The following WARS2 variants were observed in gnomAD, a reference collection of about 807,000 sequenced individuals.
The protein encoded by WARS2 is tryptophanyl tRNA synthetase 2, mitochondrial.
Under a neutral mutation model 36.5 loss-of-function variants are expected in WARS2, and 28 were observed. That is an observed-to-expected ratio of 0.77 (90% CI 0.57 to 1.05). The LOEUF is 1.05. Among genes scored for constraint, WARS2 ranks in the 50% least tolerant of loss-of-function variants. WARS2 has a pLI of 0.00. For synonymous variants in WARS2, 174 were observed against 178.4 expected (o/e 0.98, Z 0.20); for missense variants, 435 against 456.8 (o/e 0.95, Z 0.44).
At chr1:119,034,275 T>C (rs371889489) in intron 4 of WARS2, 62 bp from the exon 5 acceptor site, 3 of 1,327,960 alleles carry the variant, frequency 2.3e-6, no homozygotes, top group African/African-American at 1.5e-5. Context: ...AGAAATGATA[T>C]TGCAAGCAGC....
intron 2 of WARS2, among the ~76,000 whole-genome samples, chr1:119,059,323 G>C (rs1650167662): frequency 6.6e-6 from 1 of 151,834 alleles, no homozygotes; most frequent in South Asian, 2.1e-4. Context: ...GATCCCATTT[G>C]TCAATTTTGG....
At chr1:119,101,925 C>G (rs1051000279) in intron 1 of WARS2, among the ~76,000 whole-genome samples, 1 of 152,116 alleles carries the variant, frequency 6.6e-6, no homozygotes, top group African/African-American at 2.4e-5. Context: ...AGAAAGCCAA[C>G]ACACACAATT....
At chr1:119,039,468 G>C (rs1162997633) in intron 4 of WARS2, among the ~76,000 whole-genome samples, 1 of 152,082 alleles carries the variant, frequency 6.6e-6, no homozygotes, top group Non-Finnish European at 1.5e-5. Flanking sequence ...TACACAGAGA[G>C]AGAAAGGGGA....
chr1:119,036,090 G>C (rs1419045739), intron 4 of WARS2, among the ~76,000 whole-genome samples: 1 of 152,164 alleles, frequency 6.6e-6, no homozygotes, highest in African/African-American at 2.4e-5. Context: ...TGTAATCCCA[G>C]GTACTCCGGA....
At chr1:119,133,042 A>G (rs1557761930) in intron 1 of WARS2, among the ~76,000 whole-genome samples, 1 of 152,210 alleles carries the variant, frequency 6.6e-6, no homozygotes, top group Non-Finnish European at 1.5e-5. Flanking sequence ...TCAGCCATCA[A>G]CTTTAGCTCT....
At position 119,046,848 on chromosome 1, in the gene WARS2, A is replaced by T. The variant is rs567400230; in HGVS notation, c.349-1186T>A. Among the ~76,000 whole-genome samples the T allele has an allele frequency of 2.0e-5, 3 of 152,116 alleles. No homozygotes were observed. In the East Asian group the frequency reaches 5.8e-4, roughly 29 times the overall value. On this transcript the variant is annotated intron_variant, in intron 2 of 5. Transcript: ENST00000235521. ...CTGCCAACTCTGAAAAGTGGCCCCA[A>T]ATGTGTTCTTTGTGGGTTTTGCAAA...
At chr1:119,086,465 TA>T (rs1470827651) in intron 1 of WARS2, among the ~76,000 whole-genome samples, 1 of 152,130 alleles carries the variant, frequency 6.6e-6, no homozygotes, top group African/African-American at 2.4e-5. Flanking sequence ...ATAATATTCT[TA>T]GATGTGCCTA....
intron 4 of WARS2, among the ~76,000 whole-genome samples, chr1:119,041,814 C>T (rs896119925): frequency 2.6e-5 from 4 of 152,210 alleles, no homozygotes; most frequent in African/African-American, 9.6e-5. Flanking sequence ...GTTATGAGCA[C>T]AGACTCTGTA....
intron 1 of WARS2, among the ~76,000 whole-genome samples, chr1:119,087,597 C>T (rs1302570795): frequency 2.0e-5 from 3 of 152,128 alleles, no homozygotes; most frequent in Admixed American, 2.0e-4. Context: ...AAGTGGAATC[C>T]GAGGTCCATT....
At chr1:119,090,550 G>A (rs950892600) in intron 1 of WARS2, among the ~76,000 whole-genome samples, 6 of 151,960 alleles carry the variant, frequency 3.9e-5, no homozygotes, top group Admixed American at 1.3e-4. Flanking sequence ...TTTAAAAAAC[G>A]CATGTCATTT....
intron 2 of WARS2, among the ~76,000 whole-genome samples, chr1:119,058,307 C>CT (rs56404141): frequency 0.66 from 84,296 of 128,040 alleles, 26,647 homozygotes; most frequent in East Asian, 0.89. Flanking sequence ...TTCCCTATTT[C>CT]TTTTTTTTTT....
chr1:119,075,537 AAAT>A (rs1424791840), intron 2 of WARS2, among the ~76,000 whole-genome samples: 1 of 152,196 alleles, frequency 6.6e-6, no homozygotes. Context: ...ACATATATAA[AAAT>A]AATGATAGAA....
intron 1 of WARS2, among the ~76,000 whole-genome samples, chr1:119,136,987 G>A (rs909421234): frequency 7.2e-5 from 11 of 152,100 alleles, no homozygotes; most frequent in African/African-American, 2.7e-4. Flanking sequence ...CAAAATAACT[G>A]ACTGGTTCTC....
upstream of WARS2, chr1:119,140,655 G>A: frequency 6.2e-7 from 1 of 1,609,800 alleles, no homozygotes; most frequent in Non-Finnish European, 8.5e-7. Flanking sequence ...CTTGAGAAGG[G>A]CGGAGCCGTC....
intron 1 of WARS2, among the ~76,000 whole-genome samples, chr1:119,130,230 A>T (rs1656004084): frequency 6.6e-6 from 1 of 152,256 alleles, no homozygotes; most frequent in African/African-American, 2.4e-5. Flanking sequence ...TTATAAAAGC[A>T]AAAACCACAT....
intron 1 of WARS2, among the ~76,000 whole-genome samples, chr1:119,106,946 T>C (rs587667528): frequency 1.3e-5 from 2 of 152,334 alleles, no homozygotes; most frequent in Admixed American, 1.3e-4. Context: ...AAAGTTCTTG[T>C]CACTTCACAT....
At chr1:119,050,535 A>T (rs1403730345) in intron 2 of WARS2, among the ~76,000 whole-genome samples, 1 of 152,222 alleles carries the variant, frequency 6.6e-6, no homozygotes, top group Non-Finnish European at 1.5e-5. Flanking sequence ...TACTCAATAA[A>T]TATTTAATGA....
At chr1:119,094,257 A>G (rs917264430) in intron 1 of WARS2, among the ~76,000 whole-genome samples, 2 of 152,300 alleles carry the variant, frequency 1.3e-5, no homozygotes, top group Admixed American at 1.3e-4. Flanking sequence ...AACTTAGCAA[A>G]TATTTATTTC....
At chr1:119,049,041 T>C (rs906662564) in intron 2 of WARS2, among the ~76,000 whole-genome samples, 1 of 152,090 alleles carries the variant, frequency 6.6e-6, no homozygotes, top group Non-Finnish European at 1.5e-5. Context: ...CATTGCACTC[T>C]AGCGTGGGCA....
Sources: gnomAD v4.1 joint callset for allele counts (sites outside exome capture counted in the v4.1 genomes callset) on GRCh38, gnomAD v4.1.1 for gene constraint, MANE v1.5 for transcripts, NCBI Gene and HGNC (gene_info 2026-07-23, HGNC 2026-07-21) for gene names.